NRXN3: variants seen among roughly 807,000 people sequenced by gnomAD.
NRXN3 encodes neurexin III.
NRXN3 carries 32 observed loss-of-function variants against 137.6 expected under a neutral mutation model. That is an observed-to-expected ratio of 0.23 (90% CI 0.18 to 0.31). The LOEUF (loss-of-function observed/expected upper bound fraction) is 0.31. NRXN3 is among the 10% of genes least tolerant of loss of function. NRXN3 has a pLI of 1.00. For synonymous variants in NRXN3, 798 were observed against 784.5 expected (o/e 1.02, Z -0.29); for missense variants, 1,574 against 2,062.5 (o/e 0.76, Z 4.59).
intron 16 of NRXN3, among the ~76,000 whole-genome samples, chr14:79,623,508 T>A (rs949922071): frequency 6.6e-6 from 1 of 152,238 alleles, no homozygotes; most frequent in Non-Finnish European, 1.5e-5. Flanking sequence ...GCAATTCCCA[T>A]TCAACTACAT....
intron 12 of NRXN3, among the ~76,000 whole-genome samples, chr14:78,966,724 G>C (rs747781137): frequency 2.6e-5 from 4 of 152,124 alleles, no homozygotes; most frequent in Admixed American, 6.5e-5. Context: ...TAATTCTTGA[G>C]TATTACTAAC....
chr14:79,343,738 A>G (rs2092727991), intron 15 of NRXN3, among the ~76,000 whole-genome samples: 1 of 152,206 alleles, frequency 6.6e-6, no homozygotes, highest in South Asian at 2.1e-4. Context: ...AATATTTCAA[A>G]TATTTCCTTC....
Position 78,836,897 on chromosome 14 carries a change from A to T in NRXN3, c.2275+26553A>T, listed in dbSNP as rs116948939. On this transcript the variant is annotated intron_variant, in intron 10 of 20. Coordinates refer to ENST00000335750, the MANE Select transcript of NRXN3 (RefSeq NM_001330195.2). ...CAGGGTCAGCCATTTTCTTGCTGCA[A>T]GCCGGAGAAGATCCACACTTCCTTC... is the stretch of plus-strand genomic sequence containing the variant. Among the ~76,000 whole-genome samples, 371 of 151,986 alleles carry T rather than the reference A, an allele frequency of 2.4e-3. 2 individuals are homozygous for T. The highest frequency in any genetic ancestry group is 4.2e-3 in the Non-Finnish European group (283 of 67,926).
At position 79,283,955 on chromosome 14, in the gene NRXN3, A is replaced by G. The variant is rs542774881; in HGVS notation, c.3263-183266A>G. 5.9e-5 allele frequency among the ~76,000 whole-genome samples: 9 copies of G among 152,156 alleles called. No individual in the cohort carries two copies. The South Asian group carries it at 1.9e-3, about 32-fold the overall frequency. ...CCAAGCGAAATTAATACAAAATCAAAATATCCTTTATAAAATGAAGGTTTA... is the reference window on the plus strand; with the variant it reads ...CCAAGCGAAATTAATACAAAATCAAGATATCCTTTATAAAATGAAGGTTTA... On this transcript the variant is annotated intron_variant, in intron 15 of 20. Transcript: ENST00000335750.
chr14:78,748,469 T>G (rs779419230), intron 8 of NRXN3, among the ~76,000 whole-genome samples: 1 of 151,922 alleles, frequency 6.6e-6, no homozygotes, highest in Non-Finnish European at 1.5e-5. Flanking sequence ...AGTTAGGGGG[T>G]TTATTCTCAA....
chr14:78,988,582 G>A (rs2099511990), intron 15 of NRXN3, among the ~76,000 whole-genome samples: 1 of 152,168 alleles, frequency 6.6e-6, no homozygotes, highest in Non-Finnish European at 1.5e-5. Flanking sequence ...TTCTCAAAAA[G>A]TTTGAGTTCT....
chr14:79,740,034 G>T (rs558171808), intron 19 of NRXN3, among the ~76,000 whole-genome samples: 2 of 152,102 alleles, frequency 1.3e-5, no homozygotes, highest in African/African-American at 4.8e-5. Flanking sequence ...CTCACTGGAT[G>T]AAACAGTTTC....
intron 4 of NRXN3, among the ~76,000 whole-genome samples, chr14:78,513,712 C>T (rs1184873777): frequency 6.6e-6 from 1 of 152,078 alleles, no homozygotes; most frequent in African/African-American, 2.4e-5. Context: ...TTATGGTGGT[C>T]TGTAACATCA....
chr14:78,488,045 G>A (rs11159362), intron 4 of NRXN3, among the ~76,000 whole-genome samples: 44,211 of 151,860 alleles, frequency 0.29, 7,507 homozygotes, highest in Non-Finnish European at 0.37. Flanking sequence ...GTGCCAGCAG[G>A]TTTGGTTTCT....
At chr14:79,619,185 T>C (rs1157127208) in intron 16 of NRXN3, among the ~76,000 whole-genome samples, 1 of 152,196 alleles carries the variant, frequency 6.6e-6, no homozygotes, top group Non-Finnish European at 1.5e-5. Context: ...TTTCTTTTGC[T>C]GTGCAAAAAG....
chr14:79,853,777 A>T (rs527737162), intron 20 of NRXN3: 42 of 1,022,572 alleles, frequency 4.1e-5, no homozygotes, highest in African/African-American at 1.2e-4. Flanking sequence ...AAGACAAAAA[A>T]ATATATATAT....
chr14:78,192,111 A>T (rs964169463), intron 1 of NRXN3, among the ~76,000 whole-genome samples: 21 of 148,574 alleles, frequency 1.4e-4, no homozygotes, highest in African/African-American at 5.4e-4. Flanking sequence ...TGTGTGTGAG[A>T]GAGAGAGCAT....
intron 15 of NRXN3, among the ~76,000 whole-genome samples, chr14:79,042,782 C>T (rs2099627116): frequency 6.6e-6 from 1 of 152,284 alleles, no homozygotes; most frequent in South Asian, 2.1e-4. Context: ...AACAGTAAAG[C>T]TCTGCCATCT....
At chr14:79,061,470 C>T (rs2099674151) in intron 15 of NRXN3, among the ~76,000 whole-genome samples, 1 of 152,040 alleles carries the variant, frequency 6.6e-6, no homozygotes, top group African/African-American at 2.4e-5. Flanking sequence ...TGCAAAGCAC[C>T]CATGGCAAGG....
chr14:79,219,304 A>AT (rs1170919384), intron 15 of NRXN3, among the ~76,000 whole-genome samples: 1 of 152,020 alleles, frequency 6.6e-6, no homozygotes, highest in Non-Finnish European at 1.5e-5. Context: ...TTATTTATTT[A>AT]TTTTTTTGTA....
At chr14:78,266,610 T>G (rs979528414) in intron 2 of NRXN3, among the ~76,000 whole-genome samples, 7 of 152,148 alleles carry the variant, frequency 4.6e-5, no homozygotes, top group African/African-American at 1.7e-4. Context: ...TCTCTGTGTT[T>G]CTTGGAAGCA....
chr14:79,839,942 A>G (rs1378467245), intron 20 of NRXN3, among the ~76,000 whole-genome samples: 1 of 152,190 alleles, frequency 6.6e-6, no homozygotes, highest in Non-Finnish European at 1.5e-5. Context: ...GTAAGATGAT[A>G]ATTACCCTTG....
chr14:79,339,181 A>G (rs1429900749), intron 15 of NRXN3, among the ~76,000 whole-genome samples: 1 of 152,194 alleles, frequency 6.6e-6, no homozygotes, highest in South Asian at 2.1e-4. Flanking sequence ...TGGCCAGATT[A>G]CTTTATAGCC....
At chr14:79,041,185 G>C (rs969303701) in intron 15 of NRXN3, among the ~76,000 whole-genome samples, 3 of 152,118 alleles carry the variant, frequency 2.0e-5, no homozygotes, top group East Asian at 1.9e-4. Flanking sequence ...CTCAATACTT[G>C]GCACATTATT....
Sources: gnomAD v4.1 joint callset for allele counts (sites outside exome capture counted in the v4.1 genomes callset) on GRCh38, gnomAD v4.1.1 for gene constraint, MANE v1.5 for transcripts, NCBI Gene and HGNC (gene_info 2026-07-23, HGNC 2026-07-21) for gene names.